The following MARCO variants were observed in gnomAD, a reference collection of about 807,000 sequenced individuals.
The protein encoded by MARCO is macrophage receptor MARCO.
In MARCO, 72 loss-of-function variants were observed where a neutral mutation model predicts 70.0. That is an observed-to-expected ratio of 1.03 (90% CI 0.85 to 1.25). The LOEUF is 1.25. MARCO is among the 50% of genes most tolerant of loss of function. MARCO has a pLI of 0.00. For missense variants in MARCO, 696 were observed against 659.3 expected, an observed-to-expected ratio of 1.06 and a Z score of -0.61; for synonymous variants, 273 against 243.1, an observed-to-expected ratio of 1.12 and a Z score of -1.14.
chr2:118,968,191 A>G (rs1030419911), intron 1 of MARCO, among the ~76,000 whole-genome samples: 2 of 152,004 alleles, frequency 1.3e-5, no homozygotes, highest in African/African-American at 2.4e-5. Flanking sequence ...TCCCTTTAAT[A>G]CCCCTAAACA....
intron 1 of MARCO, among the ~76,000 whole-genome samples, chr2:118,967,808 C>G (rs1680084024): frequency 6.6e-6 from 1 of 152,160 alleles, no homozygotes; most frequent in Non-Finnish European, 1.5e-5. Context: ...TAAAACCCAC[C>G]TGCCCCTATC....
At chr2:118,983,895 C>T (rs1680439797) in intron 12 of MARCO, among the ~76,000 whole-genome samples, 1 of 152,120 alleles carries the variant, frequency 6.6e-6, no homozygotes, top group South Asian at 2.1e-4. Context: ...ATTGTGCTTA[C>T]TCCCCAAGCC....
At chr2:118,985,037 T>C (rs1680458733) in intron 12 of MARCO, among the ~76,000 whole-genome samples, 1 of 152,108 alleles carries the variant, frequency 6.6e-6, no homozygotes, top group African/African-American at 2.4e-5. Context: ...ACATGAGCGG[T>C]CTGTTCATTA....
intron 7 of MARCO, 61 bp downstream of exon 7, chr2:118,977,576 CCCCCCCA>C: frequency 7.8e-7 from 1 of 1,281,484 alleles, no homozygotes; most frequent in Non-Finnish European, 1.1e-6. Context: ...TGAGGCAGTT[CCCCCCCA>C]CCCCCCATCC....
intron 1 of MARCO, among the ~76,000 whole-genome samples, chr2:118,965,156 T>C (rs1017916901): frequency 2.9e-4 from 44 of 152,198 alleles, no homozygotes; most frequent in Admixed American, 2.6e-4. Flanking sequence ...GCCTCACACT[T>C]TTTCTAGGAA....
At chr2:118,956,074 CAA>C (rs1679831250) in intron 1 of MARCO, among the ~76,000 whole-genome samples, 2 of 152,108 alleles carry the variant, frequency 1.3e-5, no homozygotes, top group Middle Eastern at 3.4e-3. Flanking sequence ...AAAGCAAAAT[CAA>C]AAAACCAAAA....
At chr2:118,972,379 G>A (rs183697236) in intron 4 of MARCO, among the ~76,000 whole-genome samples, 1 of 152,314 alleles carries the variant, frequency 6.6e-6, no homozygotes, top group East Asian at 1.9e-4. Flanking sequence ...GGATGGCCCA[G>A]ATCACACCAT....
chr2:118,965,194 G>T (rs576109827), intron 1 of MARCO, among the ~76,000 whole-genome samples: 1 of 152,182 alleles, frequency 6.6e-6, no homozygotes, highest in African/African-American at 2.4e-5. Flanking sequence ...TAGGTGTTTT[G>T]TTACTGGCCC....
At chr2:118,944,288 G>A (rs1353499463) in intron 1 of MARCO, among the ~76,000 whole-genome samples, 1 of 152,110 alleles carries the variant, frequency 6.6e-6, no homozygotes, top group Non-Finnish European at 1.5e-5. Flanking sequence ...CTCCAATTTG[G>A]ATGAAAGAAA....
chr2:118,986,968 TAGA>T (rs1680530038), intron 12 of MARCO, among the ~76,000 whole-genome samples: 1 of 152,042 alleles, frequency 6.6e-6, no homozygotes, highest in African/African-American at 2.4e-5. Context: ...GCAAGCAGTA[TAGA>T]AGAACACCAG....
At chr2:118,953,256 G>A (rs72960641) in intron 1 of MARCO, among the ~76,000 whole-genome samples, 2,013 of 152,334 alleles carry the variant, frequency 0.013, 48 homozygotes, top group African/African-American at 0.045. Flanking sequence ...CAGTTACATA[G>A]GCTAGGGCTT....
In MARCO at chr2:118,992,922, C is replaced by T. The variant is rs1558675063; in HGVS notation, c.1253-202C>T. On this transcript the variant is annotated intron_variant, in intron 15 of 16. Transcript: ENST00000327097. ...GGGCACCTGCCCCTGTGGCCTTGTG[C>T]CTGCAGGCCCCAGGTGCATGGAGGC... The T allele has an allele frequency of 9.1e-6, 5 of 547,064 alleles. No homozygotes were observed. The East Asian group carries it at 1.5e-4, about 16-fold the overall frequency. The allele number at this position is 547,064 out of a possible 1,614,324, so 33.9% of individuals were successfully genotyped here. A position where few individuals can be genotyped will look rare whatever the true frequency, so the allele number is the denominator to read the frequency against.
chr2:118,973,062 C>A (rs371765820), intron 4 of MARCO, among the ~76,000 whole-genome samples: 4 of 152,142 alleles, frequency 2.6e-5, no homozygotes, highest in African/African-American at 9.6e-5. Flanking sequence ...GAGAAAAACT[C>A]CAACTCTCTC....
rs949878290 is a variant in MARCO, at chr2:118,974,553, A to C, written c.601A>C (p.Lys201Gln). 4 of 1,613,566 alleles carry C rather than the reference A, an allele frequency of 2.5e-6. No individual in the cohort carries two copies. The African/African-American group carries it at 5.3e-5, about 22-fold the overall frequency. The change falls in exon 6 of 17, where the codon AAG (lysine) becomes CAG (glutamine). Residue 201 changes from lysine to glutamine, a missense_variant. By Grantham distance (53) the Lys-to-Gln change is moderately conservative. Coordinates refer to ENST00000327097, the MANE Select transcript of MARCO (RefSeq NM_006770.4). ...GGGACCCCAAGGCCCACCGGGAGTC[A>C]AGGGAGAGGCGGGTGAGTAGGTGCT... ...PSGPQGPPGV[K>Q]GEAGLQGPQG...
chr2:118,942,779 C>T (rs1476759826), intron 1 of MARCO, among the ~76,000 whole-genome samples: 1 of 152,026 alleles, frequency 6.6e-6, no homozygotes, highest in Non-Finnish European at 1.5e-5. Context: ...AAACTGAAGC[C>T]AAGCATGACA....
chr2:118,983,552 G>A (rs1680433128), intron 12 of MARCO, among the ~76,000 whole-genome samples: 1 of 152,162 alleles, frequency 6.6e-6, no homozygotes, highest in African/African-American at 2.4e-5. Flanking sequence ...CCTGCTACCT[G>A]ATCCCATGTG....
chr2:118,986,604 A>G (rs190290235), intron 12 of MARCO, among the ~76,000 whole-genome samples: 883 of 17,216 alleles, frequency 0.051, 53 homozygotes, highest in East Asian at 0.2. Context: ...AAAGAAAGAA[A>G]GAAAGAAAGA....
In MARCO at chr2:118,982,183, G is replaced by C; in HGVS notation, c.929G>C (p.Gly310Ala). Residue 310 changes from glycine to alanine, a missense_variant, in exon 11 of 17, where the codon GGC becomes GCC. Around this residue, in one of 3 missense-constraint regions of MARCO, gnomAD observed 605 missense variants for 537.6 expected, o/e 1.13. Coordinates refer to ENST00000327097, the MANE Select transcript of MARCO (RefSeq NM_006770.4). ...CAACCTGGACTGCAGGGTGTTCCGG[G>C]CCCTCCTGGTGCAGTGGGACACCCA... is the stretch of plus-strand genomic sequence containing the variant. Reference protein sequence around the residue: ...QGQPGLQGVPGPPGAVGHPGA... With the variant: ...QGQPGLQGVPAPPGAVGHPGA... The C allele has an allele frequency of 6.2e-7, 1 of 1,612,896 alleles. No individual in the cohort carries two copies. The highest frequency in any genetic ancestry group is 1.3e-5 in the African/African-American group (1 of 75,000).
chr2:118,950,014 A>G (rs1005127518), intron 1 of MARCO: 2 of 152,232 alleles, frequency 1.3e-5, no homozygotes, highest in Non-Finnish European at 2.9e-5. Context: ...GTACATCAAC[A>G]GTGGACTTTA....
Sources: allele counts gnomAD v4.1 joint callset (sites outside exome capture counted in the v4.1 genomes callset), GRCh38; gene constraint gnomAD v4.1.1; regional missense constraint gnomAD v4.1.1; transcripts MANE v1.5; gene names NCBI Gene and HGNC (gene_info 2026-07-23, HGNC 2026-07-21).